BABAM2: variants seen among roughly 807,000 people sequenced by gnomAD.
The protein encoded by BABAM2 is BRISC and BRCA1-A complex member 2.
A neutral mutation model predicts 54.7 loss-of-function variants in BABAM2; 31 were observed. The observed-to-expected ratio is 0.57, with a 90% CI of 0.43 to 0.77. The LOEUF (loss-of-function observed/expected upper bound fraction) is 0.77, where lower values mean the gene tolerates loss of function less well. BABAM2 is among the 30% of genes least tolerant of loss of function. The pLI, the probability that BABAM2 is intolerant of heterozygous loss-of-function variation, is 0.00. For synonymous variants in BABAM2, 167 were observed against 162.9 expected, an observed-to-expected ratio of 1.03 and a Z score of -0.19; for missense variants, 364 against 455.8, an observed-to-expected ratio of 0.80 and a Z score of 1.83.
intron 4 of BABAM2, chr2:28,016,402 C>T (rs1269798982): frequency 6.4e-6 from 9 of 1,406,012 alleles, no homozygotes; most frequent in Non-Finnish European, 9.0e-6. Context: ...GTATTTTTGG[C>T]CCTGAAGACT....
intron 11 of BABAM2, among the ~76,000 whole-genome samples, chr2:28,314,969 A>G (rs1689389586): frequency 6.8e-6 from 1 of 147,766 alleles, no homozygotes; most frequent in Admixed American, 6.8e-5. Context: ...AGAAAAGAAA[A>G]GAGAAAAGAA....
At chr2:28,072,329 C>A (rs371864818) in intron 6 of BABAM2, among the ~76,000 whole-genome samples, 5 of 151,914 alleles carry the variant, frequency 3.3e-5, no homozygotes, top group Admixed American at 2.6e-4. Flanking sequence ...CACACCACCA[C>A]GCCCAGCTAA....
At chr2:28,199,842 A>G (rs1267329130) in intron 7 of BABAM2, among the ~76,000 whole-genome samples, 2 of 152,136 alleles carry the variant, frequency 1.3e-5, no homozygotes, top group Non-Finnish European at 2.9e-5. Context: ...AACATCCTGG[A>G]CCCTAAGACC....
At chr2:27,987,912 A>G in intron 3 of BABAM2, 81 bp from the exon 4 acceptor site, 1 of 1,214,732 alleles carries the variant, frequency 8.2e-7, no homozygotes, top group South Asian at 1.4e-5. Context: ...AATTTCTTTT[A>G]GAAGTTTTTC....
chr2:27,894,417 A>C (rs1477551639), intron 1 of BABAM2, 116 bp from the exon 2 acceptor site: 3 of 1,024,030 alleles, frequency 2.9e-6, no homozygotes, highest in Non-Finnish European at 4.4e-6. Flanking sequence ...TAGAGATGGG[A>C]AATGAATTAT....
At chr2:28,167,421 C>G (rs935583355) in intron 7 of BABAM2, among the ~76,000 whole-genome samples, 4 of 152,128 alleles carry the variant, frequency 2.6e-5, no homozygotes, top group Non-Finnish European at 5.9e-5. Context: ...GCGCTGGGAG[C>G]AGTGGCTCAT....
chr2:28,060,761 A>G (rs1678792024), intron 6 of BABAM2, among the ~76,000 whole-genome samples: 2 of 152,224 alleles, frequency 1.3e-5, no homozygotes, highest in African/African-American at 2.4e-5. Context: ...ATATTTAGAG[A>G]TAAATCTAAG....
chr2:28,232,712 C>T (rs772975013), intron 7 of BABAM2, among the ~76,000 whole-genome samples: 7 of 152,142 alleles, frequency 4.6e-5, no homozygotes, highest in East Asian at 3.9e-4. Context: ...AGTAAACATA[C>T]GGTATTGTAA....
chr2:27,925,397 A>C (rs1667614686), intron 2 of BABAM2, among the ~76,000 whole-genome samples: 1 of 152,040 alleles, frequency 6.6e-6, no homozygotes, highest in African/African-American at 2.4e-5. Context: ...CACTGCTGTT[A>C]CCCTAGTCCA....
chr2:28,018,361 A>G (rs1674997313), intron 4 of BABAM2, among the ~76,000 whole-genome samples: 1 of 152,232 alleles, frequency 6.6e-6, no homozygotes, highest in Non-Finnish European at 1.5e-5. Flanking sequence ...ATGGCTGAGT[A>G]GTATTCCATG....
At chr2:28,111,242 A>G (rs1667996066) in intron 6 of BABAM2, among the ~76,000 whole-genome samples, 1 of 151,622 alleles carries the variant, frequency 6.6e-6, no homozygotes, top group Non-Finnish European at 1.5e-5. Context: ...TGGCCTCCCA[A>G]AATTCTGGGA....
intron 11 of BABAM2, among the ~76,000 whole-genome samples, chr2:28,301,825 A>C (rs984220891): frequency 6.6e-6 from 1 of 152,164 alleles, no homozygotes; most frequent in East Asian, 1.9e-4. Flanking sequence ...CCTTAACCAA[A>C]CCATGAGTAC....
rs35403760 is a variant in BABAM2, at chr2:27,979,032, CTTTTTTT to C, written c.206-8954_206-8948del. 8.3e-3 allele frequency among the ~76,000 whole-genome samples: 1,165 copies of C among 139,894 alleles called. 10 individuals carry two copies. Among genetic ancestry groups the C allele is most frequent in the African/African-American group, 0.03 (1,116 of 37,770 alleles). 91.8% of individuals were successfully genotyped at this position (139,894 alleles called of 152,430 possible). A position where few individuals can be genotyped will look rare whatever the true frequency, so the allele number is the denominator to read the frequency against. ...TATATGTACCACATTTTCTTTTTTT[CTTTTTTT>C]TTTTTTGAGATGGAGTCTTACTCTG... On this transcript the variant is annotated intron_variant, in intron 3 of 11. Coordinates refer to ENST00000379624, the MANE Select transcript of BABAM2 (RefSeq NM_199191.3).
intron 7 of BABAM2, among the ~76,000 whole-genome samples, chr2:28,175,837 A>T (rs1674869709): frequency 6.6e-6 from 1 of 152,164 alleles, no homozygotes; most frequent in South Asian, 2.1e-4. Flanking sequence ...GGGCCCAAGG[A>T]TAGATACCCT....
chr2:28,163,006 T>A (rs945063891), intron 7 of BABAM2, among the ~76,000 whole-genome samples: 1 of 152,234 alleles, frequency 6.6e-6, no homozygotes, highest in African/African-American at 2.4e-5. Flanking sequence ...ATTGGTTTTT[T>A]AGTCCCAATT....
At chr2:28,249,214 G>A (rs56811884) in intron 10 of BABAM2, among the ~76,000 whole-genome samples, 15,234 of 150,578 alleles carry the variant, frequency 0.1, 1,101 homozygotes, top group African/African-American at 0.21. Flanking sequence ...TCAGCCTCCC[G>A]AGTAGCTGGG....
chr2:28,321,887 T>G (rs1690049366), intron 11 of BABAM2, among the ~76,000 whole-genome samples: 2 of 151,864 alleles, frequency 1.3e-5, no homozygotes, highest in East Asian at 3.9e-4. Flanking sequence ...AGCTCAGCAT[T>G]GATACATCTG....
At chr2:28,105,043 G>T (rs1158500787) in intron 6 of BABAM2, among the ~76,000 whole-genome samples, 1 of 150,596 alleles carries the variant, frequency 6.6e-6, no homozygotes, top group Non-Finnish European at 1.5e-5. Flanking sequence ...CTGTTGTGGG[G>T]TGGGGGGATG....
At chr2:27,908,768 G>T (rs745941319) in intron 2 of BABAM2, among the ~76,000 whole-genome samples, 2 of 152,120 alleles carry the variant, frequency 1.3e-5, no homozygotes, top group Admixed American at 6.5e-5. Context: ...CATCTATGTT[G>T]CTGCAAAGGA....
Sources: allele counts gnomAD v4.1 joint callset (sites outside exome capture counted in the v4.1 genomes callset), GRCh38; gene constraint gnomAD v4.1.1; transcripts MANE v1.5; gene names NCBI Gene and HGNC (gene_info 2026-07-23, HGNC 2026-07-21).